The following TBC1D5 variants were observed in gnomAD, a reference collection of about 807,000 sequenced individuals.
The protein encoded by TBC1D5 is TBC1 domain family, member 5.
TBC1D5 carries 75 observed loss-of-function variants against 100.3 expected under a neutral mutation model. The ratio of observed to expected loss-of-function variants is 0.75; its 90% CI spans 0.62 to 0.91. The LOEUF (loss-of-function observed/expected upper bound fraction) is 0.91, where lower values mean the gene tolerates loss of function less well. Ranked by LOEUF, TBC1D5 falls within the 40% of genes least tolerant of loss-of-function variation. TBC1D5 has a pLI of 0.00. For synonymous variants in TBC1D5, 323 were observed against 325.6 expected (o/e 0.99, Z 0.09); for missense variants, 910 against 942.4 (o/e 0.97, Z 0.45).
chr3:17,566,722 T>C (rs1455075482), intron 2 of TBC1D5, among the ~76,000 whole-genome samples: 2 of 151,966 alleles, frequency 1.3e-5, no homozygotes, highest in East Asian at 1.9e-4. Flanking sequence ...TATATGCATA[T>C]ATACATAAAT....
chr3:17,666,414 T>C (rs925410453), intron 1 of TBC1D5, among the ~76,000 whole-genome samples: 1 of 152,170 alleles, frequency 6.6e-6, no homozygotes. Context: ...AATTACCTTT[T>C]ATCTATAAAG....
rs201860386 is a variant in TBC1D5, at chr3:17,425,220, CT to C, written c.167+3229del. 7.2e-5 allele frequency among the ~76,000 whole-genome samples: 11 copies of C among 152,308 alleles called. No homozygotes were observed. In the East Asian group the frequency reaches 1.9e-3, roughly 27 times the overall value. ...TATCTGATTAAACTCCTCATATCAA[CT>C]GTATTTTATCATCTCCACTTCAAAA... On this transcript the variant is annotated intron_variant, in intron 4 of 21. Coordinates refer to ENST00000253692, the Ensembl canonical transcript of TBC1D5.
At chr3:17,575,240 C>A (rs1394823802) in intron 2 of TBC1D5, 1 of 151,388 alleles carries the variant, frequency 6.6e-6, no homozygotes, top group African/African-American at 2.4e-5. Flanking sequence ...GGTTTGAGAC[C>A]TGGAGGTTGA....
intron 3 of TBC1D5, among the ~76,000 whole-genome samples, chr3:17,496,120 T>C (rs751563620): frequency 4.5e-4 from 68 of 152,200 alleles, no homozygotes; most frequent in Non-Finnish European, 3.2e-4. Flanking sequence ...AGTTTCCTTC[T>C]TTCTTTTTTA....
chr3:17,531,585 T>C (rs1003230454), intron 2 of TBC1D5, among the ~76,000 whole-genome samples: 3 of 152,144 alleles, frequency 2.0e-5, no homozygotes, highest in South Asian at 2.1e-4. Context: ...CTTCAAACTA[T>C]ACTACAAGGC....
chr3:17,441,186 T>A (rs1377001109), intron 3 of TBC1D5, among the ~76,000 whole-genome samples: 1 of 152,190 alleles, frequency 6.6e-6, no homozygotes, highest in Non-Finnish European at 1.5e-5. Context: ...ATTCATTCAT[T>A]CAATGAACAT....
chr3:17,292,031 C>A, intron 14 of TBC1D5, 30 bp from the exon 15 acceptor site: 1 of 1,557,810 alleles, frequency 6.4e-7, no homozygotes, highest in Non-Finnish European at 8.8e-7. Flanking sequence ...AATTCAGATG[C>A]AATACTATTT....
intron 1 of TBC1D5, among the ~76,000 whole-genome samples, chr3:17,693,098 T>G (rs2071414239): frequency 6.6e-6 from 1 of 152,210 alleles, no homozygotes; most frequent in African/African-American, 2.4e-5. Flanking sequence ...CTTCTCAGCC[T>G]TAAAGCCTAG....
intron 3 of TBC1D5, among the ~76,000 whole-genome samples, chr3:17,433,396 C>G (rs563980925): frequency 1.3e-5 from 2 of 152,268 alleles, no homozygotes; most frequent in East Asian, 3.9e-4. Flanking sequence ...AACTTACAAT[C>G]ATAGCAAAAG....
In TBC1D5 at chr3:17,437,318, T is replaced by C. The variant is rs545080766; in HGVS notation, c.98-8799A>G. The stretch of plus-strand genomic sequence containing the variant: ...CAAAACAGACTAAGATAACACATAA[T>C]AACACACAAATCCAAGTATTTCTAT... On this transcript the variant is annotated intron_variant, in intron 3 of 21. Coordinates refer to ENST00000253692, the Ensembl canonical transcript of TBC1D5. 1.7e-4 allele frequency among the ~76,000 whole-genome samples: 26 copies of C among 152,290 alleles called. No individual in the cohort carries two copies. The East Asian group carries it at 4.8e-3, about 28-fold the overall frequency.
chr3:17,255,192 C>T (rs1418879525), intron 16 of TBC1D5, among the ~76,000 whole-genome samples: 1 of 151,966 alleles, frequency 6.6e-6, no homozygotes, highest in Non-Finnish European at 1.5e-5. Context: ...ACAGAATGGC[C>T]ACTTAGGATC....
intron 15 of TBC1D5, among the ~76,000 whole-genome samples, chr3:17,273,503 T>C (rs939022656): frequency 3.3e-5 from 5 of 152,164 alleles, no homozygotes; most frequent in Admixed American, 3.3e-4. Context: ...TCCTCAGAAT[T>C]GACTCATTAT....
intron 9 of TBC1D5, among the ~76,000 whole-genome samples, chr3:17,381,618 C>T (rs563318515): frequency 2.6e-5 from 4 of 152,002 alleles, no homozygotes; most frequent in Non-Finnish European, 4.4e-5. Context: ...CCATTTTAAA[C>T]GGGGTCTTCT....
intron 18 of TBC1D5, among the ~76,000 whole-genome samples, chr3:17,190,930 C>T (rs568758966): frequency 6.6e-6 from 1 of 152,058 alleles, no homozygotes; most frequent in Non-Finnish European, 1.5e-5. Context: ...GTAAAGGAAA[C>T]GGAAAGTCTC....
At chr3:17,171,980 T>A (rs1335579297) in intron 19 of TBC1D5, among the ~76,000 whole-genome samples, 3 of 152,188 alleles carry the variant, frequency 2.0e-5, no homozygotes, top group Non-Finnish European at 4.4e-5. Context: ...CTCAGAGCTG[T>A]AGTATCACCA....
chr3:17,440,664 C>T (rs1054657982), intron 3 of TBC1D5, among the ~76,000 whole-genome samples: 10 of 151,964 alleles, frequency 6.6e-5, no homozygotes, highest in African/African-American at 2.4e-4. Flanking sequence ...TTTTTTGAGG[C>T]AGAGTCTCAC....
At chr3:17,213,338 CATT>C (rs1257803092) in intron 18 of TBC1D5, among the ~76,000 whole-genome samples, 5 of 152,150 alleles carry the variant, frequency 3.3e-5, no homozygotes, top group African/African-American at 7.2e-5. Flanking sequence ...CTGAATGTAT[CATT>C]GTTGTTAAGC....
intron 16 of TBC1D5, among the ~76,000 whole-genome samples, chr3:17,244,328 T>C (rs2076548663): frequency 6.6e-6 from 1 of 152,190 alleles, no homozygotes; most frequent in African/African-American, 2.4e-5. Flanking sequence ...ATTTATCACA[T>C]CACTCAGACA....
intron 8 of TBC1D5, among the ~76,000 whole-genome samples, chr3:17,392,917 C>A (rs2093395989): frequency 6.6e-6 from 1 of 152,094 alleles, no homozygotes. Flanking sequence ...ATTTCTGTTT[C>A]TAGATCCTTG....
Sources: gnomAD v4.1 joint callset for allele counts (sites outside exome capture counted in the v4.1 genomes callset) on GRCh38, gnomAD v4.1.1 for gene constraint, MANE v1.5 for transcripts, NCBI Gene and HGNC (gene_info 2026-07-23, HGNC 2026-07-21) for gene names.